The following TRPC4 variants were observed in gnomAD, a reference collection of about 807,000 sequenced individuals.
The protein encoded by TRPC4 is short transient receptor potential channel 4.
A neutral mutation model predicts 99.4 loss-of-function variants in TRPC4; 49 were observed. The ratio of observed to expected loss-of-function variants is 0.49; its 90% CI spans 0.39 to 0.63. TRPC4 has a LOEUF of 0.63. TRPC4 is among the 20% of genes least tolerant of loss of function. The pLI, the probability that TRPC4 is intolerant of heterozygous loss-of-function variation, is 0.00. For missense variants in TRPC4, 898 were observed against 1,152.9 expected (o/e 0.78, Z 3.20); for synonymous variants, 454 against 425.9 (o/e 1.07, Z -0.81).
At chr13:37,730,934 C>A (rs1026560579) in intron 3 of TRPC4, among the ~76,000 whole-genome samples, 2 of 151,970 alleles carry the variant, frequency 1.3e-5, no homozygotes, top group African/African-American at 4.8e-5. Flanking sequence ...AAGATTTCTG[C>A]CATAATTTTC....
intron 2 of TRPC4, among the ~76,000 whole-genome samples, chr13:37,773,037 T>C (rs1277109392): frequency 6.6e-6 from 1 of 151,730 alleles, no homozygotes; most frequent in Non-Finnish European, 1.5e-5. Flanking sequence ...ACCAGTTTTG[T>C]TAAATCAGTA....
intron 1 of TRPC4, among the ~76,000 whole-genome samples, chr13:37,856,718 T>C (rs748842755): frequency 5.1e-4 from 78 of 151,832 alleles, no homozygotes; most frequent in Non-Finnish European, 5.9e-4. Context: ...AATGCAAGGA[T>C]GGTTCAACAT....
At chr13:37,783,406 T>G in intron 1 of TRPC4, 46 bp from the exon 2 acceptor site, 2 of 1,416,778 alleles carry the variant, frequency 1.4e-6, no homozygotes, top group Non-Finnish European at 1.9e-6. Flanking sequence ...TAATATGCTT[T>G]TAAAATTGTT....
At chr13:37,681,263 G>A (rs1347893546) in intron 4 of TRPC4, among the ~76,000 whole-genome samples, 6 of 152,158 alleles carry the variant, frequency 3.9e-5, no homozygotes, top group African/African-American at 1.4e-4. Flanking sequence ...AGATCAAGGA[G>A]GAGACATTAA....
chr13:37,838,642 A>C (rs1958638266), intron 1 of TRPC4, among the ~76,000 whole-genome samples: 1 of 152,220 alleles, frequency 6.6e-6, no homozygotes, highest in Non-Finnish European at 1.5e-5. Flanking sequence ...AAAGTATCAA[A>C]ATGATTCCAT....
At chr13:37,826,751 T>C (rs1958230110) in intron 1 of TRPC4, among the ~76,000 whole-genome samples, 1 of 152,202 alleles carries the variant, frequency 6.6e-6, no homozygotes, top group African/African-American at 2.4e-5. Context: ...ATTATGTGTC[T>C]TGGAGTTGCT....
At chr13:37,816,409 T>C (rs930476012) in intron 1 of TRPC4, among the ~76,000 whole-genome samples, 2 of 151,776 alleles carry the variant, frequency 1.3e-5, no homozygotes, top group Non-Finnish European at 2.9e-5. Flanking sequence ...TCTACAGAAC[T>C]CTCCAGCCAA....
At chr13:37,739,007 C>CCTTT (rs1408047436) in intron 3 of TRPC4, among the ~76,000 whole-genome samples, 2 of 152,000 alleles carry the variant, frequency 1.3e-5, no homozygotes, top group African/African-American at 4.8e-5. Flanking sequence ...AAACAAAAAA[C>CCTTT]CTTTAGTAGT....
intron 2 of TRPC4, among the ~76,000 whole-genome samples, chr13:37,750,252 G>GAAA (rs1955897020): frequency 2.6e-5 from 4 of 151,804 alleles, no homozygotes; most frequent in African/African-American, 9.7e-5. Flanking sequence ...CCAGTCTGGG[G>GAAA]CCATTAAGAA....
intron 1 of TRPC4, among the ~76,000 whole-genome samples, chr13:37,785,116 T>A (rs1411376802): frequency 6.6e-6 from 1 of 152,112 alleles, no homozygotes; most frequent in Non-Finnish European, 1.5e-5. Context: ...TTATAGAATA[T>A]CAAGGAGAAT....
At chr13:37,731,786 A>G (rs948333603) in intron 3 of TRPC4, among the ~76,000 whole-genome samples, 2 of 152,094 alleles carry the variant, frequency 1.3e-5, no homozygotes, top group African/African-American at 2.4e-5. Context: ...TTTATTTTGT[A>G]TATGTTTGCC....
At chr13:37,690,861 G>C (rs1230327983) in intron 4 of TRPC4, among the ~76,000 whole-genome samples, 3 of 150,988 alleles carry the variant, frequency 2.0e-5, no homozygotes, top group African/African-American at 7.3e-5. Context: ...GCAGTTTTGA[G>C]AGTTAACCCA....
intron 2 of TRPC4, among the ~76,000 whole-genome samples, chr13:37,748,520 A>G (rs1955847394): frequency 6.6e-6 from 1 of 152,110 alleles, no homozygotes; most frequent in Admixed American, 6.6e-5. Context: ...AAAGAGAGAT[A>G]TAGTAAGTTT....
chr13:37,857,776 A>G (rs148811258), intron 1 of TRPC4, among the ~76,000 whole-genome samples: 41 of 151,916 alleles, frequency 2.7e-4, no homozygotes, highest in African/African-American at 9.4e-4. Context: ...AAAGTGGCTT[A>G]AAAATTTAAA....
chr13:37,687,689 A>T (rs1953533215), intron 4 of TRPC4, among the ~76,000 whole-genome samples: 1 of 152,124 alleles, frequency 6.6e-6, no homozygotes, highest in South Asian at 2.1e-4. Context: ...TCAAACCCTA[A>T]ATAAGTTAAG....
chr13:37,842,365 A>C (rs1020619458), intron 1 of TRPC4, among the ~76,000 whole-genome samples: 5 of 143,756 alleles, frequency 3.5e-5, no homozygotes, highest in Admixed American at 1.4e-4. Context: ...AAAAAAAAAA[A>C]AAAAAGGAAA....
chr13:37,687,357 G>A (rs1040542652), intron 4 of TRPC4, among the ~76,000 whole-genome samples: 2 of 152,120 alleles, frequency 1.3e-5, no homozygotes, highest in Admixed American at 6.6e-5. Context: ...TTTTACAGAT[G>A]TCCATACTTT....
intron 7 of TRPC4, among the ~76,000 whole-genome samples, chr13:37,654,196 A>G (rs1392742178): frequency 6.6e-6 from 1 of 152,268 alleles, no homozygotes; most frequent in Admixed American, 6.5e-5. Flanking sequence ...TGACAAAAAA[A>G]CAGTAATAAC....
At chr13:37,781,151 T>C (rs569712228) in intron 2 of TRPC4, among the ~76,000 whole-genome samples, 22 of 152,198 alleles carry the variant, frequency 1.4e-4, no homozygotes, top group Admixed American at 4.6e-4. Flanking sequence ...TCAGTACAAA[T>C]GTCATTGACT....
Sources: allele counts gnomAD v4.1 joint callset (sites outside exome capture counted in the v4.1 genomes callset), GRCh38; gene constraint gnomAD v4.1.1; transcripts MANE v1.5; gene names NCBI Gene and HGNC (gene_info 2026-07-23, HGNC 2026-07-21).